APTX: variants seen among roughly 807,000 people sequenced by gnomAD.
APTX encodes the protein forkhead-associated domain histidine triad-like protein.
A neutral mutation model predicts 42.3 loss-of-function variants in APTX; 33 were observed. That is an observed-to-expected ratio of 0.78 (90% confidence interval 0.59 to 1.04). APTX has a LOEUF of 1.04. Among genes scored for constraint, APTX ranks in the 50% least tolerant of loss-of-function variants. The pLI is 0.00. For missense variants in APTX, 421 were observed against 415.1 expected (o/e 1.01, Z -0.12); for synonymous variants, 130 against 146.7 (o/e 0.89, Z 0.82).
chr9:33,016,520 TAAAGG>T (rs1837912068), intron 1 of APTX, among the ~76,000 whole-genome samples: 1 of 152,096 alleles, frequency 6.6e-6, no homozygotes, highest in South Asian at 2.1e-4. Context: ...TTTAAAAAAA[TAAAGG>T]AAAGAAAAAG....
intron 1 of APTX, among the ~76,000 whole-genome samples, chr9:33,006,932 G>A (rs1427807323): frequency 4.7e-5 from 7 of 148,610 alleles, no homozygotes; most frequent in South Asian, 2.1e-4. Context: ...CCCAGGAGGC[G>A]GAGCTTGCAG....
intron 1 of APTX, chr9:33,020,188 T>C (rs937923216): frequency 1.5e-5 from 4 of 260,614 alleles, no homozygotes; most frequent in Non-Finnish European, 2.9e-5. Flanking sequence ...AGTATAGCTG[T>C]AGTTGTACTC....
chr9:32,982,541 T>G (rs1830917472), intron 6 of APTX, among the ~76,000 whole-genome samples: 1 of 152,104 alleles, frequency 6.6e-6, no homozygotes, highest in African/African-American at 2.4e-5. Context: ...AAAAATAATT[T>G]TACTTGTTTA....
At chr9:33,008,012 G>C (rs1158246901) in intron 1 of APTX, among the ~76,000 whole-genome samples, 1 of 152,080 alleles carries the variant, frequency 6.6e-6, no homozygotes, top group Non-Finnish European at 1.5e-5. Context: ...TTGTGACACT[G>C]TCTGCTCTGG....
intron 7 of APTX, among the ~76,000 whole-genome samples, chr9:32,973,870 G>A (rs185149936): frequency 1.7e-4 from 26 of 152,060 alleles, no homozygotes; most frequent in Non-Finnish European, 2.6e-4. Context: ...CACTCCTTCA[G>A]GACACACTCT....
In APTX at chr9:32,993,160, TAAG is replaced by T. The variant is rs554398994; in HGVS notation, c.-4-3268_-4-3266del. On this transcript the variant is annotated intron_variant, in intron 1 of 7. Transcript: ENST00000379817. Reference sequence around the variant, plus strand: ...AGCATGGCTGGCAGATGCAGGATAATAAGAACTACCCTTTCTGCCCTCCATCAA... The same window carrying T: ...AGCATGGCTGGCAGATGCAGGATAATAACTACCCTTTCTGCCCTCCATCAA... Among the ~76,000 whole-genome samples the T allele has an allele frequency of 1.8e-3, 279 of 152,280 alleles. 2 individuals carry two copies. Among genetic ancestry groups the T allele is most frequent in the Non-Finnish European group, 3.1e-3 (213 of 68,022 alleles).
chr9:32,986,129 A>G, intron 4 of APTX, 99 bp from the exon 5 acceptor site: 3 of 1,080,758 alleles, frequency 2.8e-6, no homozygotes, highest in Non-Finnish European at 4.3e-6. Flanking sequence ...ATACTGTGTG[A>G]TAGCACAACT....
intron 1 of APTX, among the ~76,000 whole-genome samples, chr9:33,000,443 A>G (rs770521127): frequency 1.3e-5 from 2 of 151,976 alleles, no homozygotes; most frequent in Non-Finnish European, 1.5e-5. Flanking sequence ...CCTGGCCAAC[A>G]TGGTGAAACC....
chr9:32,989,556 C>G, intron 2 of APTX: 1 of 790,046 alleles, frequency 1.3e-6, no homozygotes, highest in Non-Finnish European at 2.1e-6. Flanking sequence ...CAACCTTCAC[C>G]CACCCTGCCT....
chr9:33,011,256 C>T (rs894013191), intron 1 of APTX, among the ~76,000 whole-genome samples: 1 of 151,828 alleles, frequency 6.6e-6, no homozygotes, highest in African/African-American at 2.4e-5. Flanking sequence ...AAATGAGAAA[C>T]CATTAAAGGA....
upstream of APTX, among the ~76,000 whole-genome samples, chr9:33,004,088 C>A (rs1836948598): frequency 6.6e-6 from 1 of 152,146 alleles, no homozygotes; most frequent in Non-Finnish European, 1.5e-5. Context: ...TACTACTCAG[C>A]CATAAAGAAG....
At chr9:33,023,028 T>C (rs1035493700) in intron 1 of APTX, among the ~76,000 whole-genome samples, 6 of 152,016 alleles carry the variant, frequency 3.9e-5, no homozygotes, top group Non-Finnish European at 7.4e-5. Flanking sequence ...GAGGTCTTAT[T>C]ATGTTGCTCA....
intron 1 of APTX, among the ~76,000 whole-genome samples, chr9:33,015,311 C>A (rs1424629609): frequency 1.3e-5 from 2 of 152,146 alleles, no homozygotes; most frequent in Non-Finnish European, 2.9e-5. Flanking sequence ...TATAAATTAT[C>A]AAAGGCATTA....
At chr9:33,020,411 C>T in intron 1 of APTX, among the ~76,000 whole-genome samples, 1 of 152,166 alleles carries the variant, frequency 6.6e-6, no homozygotes, top group Non-Finnish European at 1.5e-5. Flanking sequence ...GTTTATTTTT[C>T]TCCCTCTCCA....
rs149162464 is a variant in APTX, at chr9:32,987,649, C to T, written c.378G>A (p.Arg126=). Residue 126 remains arginine, a synonymous_variant, in exon 4 of 8, where the codon AGG becomes AGA. Coordinates refer to ENST00000379817, the MANE Select transcript of APTX (RefSeq NM_001195248.2). ...CAGCCTCAGCTTCCTGAGCAGCATC[C>T]CTTTCTATAGAATCACTGTTGCCTG... ...KRSGNSDSIE[R]DAAQEAEAGT... 230 of 1,614,080 alleles carry T rather than the reference C, an allele frequency of 1.4e-4. 1 individual carries two copies. Among genetic ancestry groups the T allele is most frequent in the Non-Finnish European group, 1.9e-4 (222 of 1,180,044 alleles).
chr9:33,000,845 CTTTT>C (rs74178838), intron 1 of APTX, among the ~76,000 whole-genome samples: 3 of 98,804 alleles, frequency 3.0e-5, no homozygotes, highest in African/African-American at 1.2e-4. Flanking sequence ...TTTTTTTTTT[CTTTT>C]TTTTTTTTTT....
chr9:33,008,139 C>A (rs1837289459), intron 1 of APTX, among the ~76,000 whole-genome samples: 1 of 152,014 alleles, frequency 6.6e-6, no homozygotes, highest in Non-Finnish European at 1.5e-5. Context: ...AGATAAAATT[C>A]TAATATTTGC....
At chr9:32,987,488 G>A (rs1587469439) in intron 4 of APTX, 56 bp downstream of exon 4, 1 of 1,599,938 alleles carries the variant, frequency 6.3e-7, no homozygotes, top group Admixed American at 1.7e-5. Flanking sequence ...AAACAATTAA[G>A]CAGTCATTAT....
At chr9:32,997,957 G>A (rs954965469) in intron 1 of APTX, among the ~76,000 whole-genome samples, 12 of 152,316 alleles carry the variant, frequency 7.9e-5, no homozygotes, top group African/African-American at 2.9e-4. Flanking sequence ...TGGGGGAACA[G>A]GCCTAGAAGC....
Sources: gnomAD v4.1 joint callset for allele counts (sites outside exome capture counted in the v4.1 genomes callset) on GRCh38, gnomAD v4.1.1 for gene constraint, MANE v1.5 for transcripts, NCBI Gene and HGNC (gene_info 2026-07-23, HGNC 2026-07-21) for gene names.